Variants in PCDHA1 observed in about 807,000 individuals in gnomAD.
The protein encoded by PCDHA1 is protocadherin alpha 1.
PCDHA1 carries 42 observed loss-of-function variants against 61.3 expected under a neutral mutation model. The observed-to-expected ratio is 0.69, with a 90% confidence interval of 0.54 to 0.89. PCDHA1 has a LOEUF of 0.89. Among genes scored for constraint, PCDHA1 ranks in the 40% least tolerant of loss-of-function variants. The pLI is 0.00. For missense variants in PCDHA1, 1,256 were observed against 1,235.3 expected (o/e 1.02, Z -0.25); for synonymous variants, 610 against 553.8 (o/e 1.10, Z -1.43).
chr5:140,946,219 G>T (rs2093905754), intron 1 of PCDHA1, among the ~76,000 whole-genome samples: 1 of 151,856 alleles, frequency 6.6e-6, no homozygotes, highest in African/African-American at 2.4e-5. Context: ...TGACCAACAG[G>T]TATACTAAAA....
chr5:140,824,573 G>A (rs1383380064), intron 1 of PCDHA1: 2 of 157,802 alleles, frequency 1.3e-5, no homozygotes, highest in East Asian at 1.7e-4. Context: ...TATCTCAGCC[G>A]CCCAAGTAGC....
intron 3 of PCDHA1, among the ~76,000 whole-genome samples, chr5:141,003,468 C>T (rs2098126270): frequency 6.6e-6 from 1 of 152,066 alleles, no homozygotes; most frequent in Non-Finnish European, 1.5e-5. Context: ...TGCACCACCA[C>T]AGTCTCGCTA....
intron 1 of PCDHA1, chr5:140,871,672 T>C (rs2053253410): frequency 2.6e-6 from 3 of 1,153,066 alleles, no homozygotes; most frequent in Non-Finnish European, 3.6e-6. Flanking sequence ...AGTCTTTTAA[T>C]CATATGAATA....
At chr5:140,880,512 C>T (rs1296325164) in intron 1 of PCDHA1, among the ~76,000 whole-genome samples, 4 of 152,314 alleles carry the variant, frequency 2.6e-5, no homozygotes, top group South Asian at 4.1e-4. Flanking sequence ...TGTTTGGTCA[C>T]ATCTCTCAAT....
chr5:140,821,788 C>A, intron 1 of PCDHA1: 2 of 1,611,448 alleles, frequency 1.2e-6, no homozygotes, highest in African/African-American at 1.3e-5. Context: ...GGTATATTCC[C>A]GGAGAGGAAG....
At chr5:140,846,550 AT>A (rs1279691589) in intron 1 of PCDHA1, among the ~76,000 whole-genome samples, 1 of 147,284 alleles carries the variant, frequency 6.8e-6, no homozygotes, top group East Asian at 2.0e-4. Context: ...AATTTTTTGT[AT>A]TTTTAGTAGA....
At chr5:140,967,315 G>A (rs1554229427) in intron 1 of PCDHA1, 1 of 1,610,854 alleles carries the variant, frequency 6.2e-7, no homozygotes, top group African/African-American at 1.3e-5. Context: ...ACTCAGTACA[G>A]ACCTACGAGC....
chr5:140,814,488 A>C (rs1214995772), intron 1 of PCDHA1: 1 of 151,974 alleles, frequency 6.6e-6, no homozygotes, highest in Non-Finnish European at 1.5e-5. Context: ...TATAAGTAGA[A>C]AGAGTACACT....
intron 1 of PCDHA1, among the ~76,000 whole-genome samples, chr5:140,975,280 T>C (rs914764307): frequency 6.6e-6 from 1 of 152,252 alleles, no homozygotes; most frequent in Non-Finnish European, 1.5e-5. Flanking sequence ...CTCTGACCTC[T>C]AGACCCAGAT....
At chr5:140,836,032 C>G (rs2150251120) in intron 1 of PCDHA1, 1 of 1,613,416 alleles carries the variant, frequency 6.2e-7, no homozygotes, top group African/African-American at 1.3e-5. Context: ...AGCAACGTGA[C>G]GCTGCAGGTG....
At chr5:140,986,946 G>A (rs544796668) in intron 3 of PCDHA1, among the ~76,000 whole-genome samples, 9 of 152,230 alleles carry the variant, frequency 5.9e-5, no homozygotes, top group South Asian at 2.1e-4. Context: ...GGGTGTGGTC[G>A]CTCATGCCTG....
chr5:140,853,887 A>T lies in PCDHA1; in HGVS notation c.2394+65203A>T, dbSNP rs945674058. ...TGACAGTGCAAGTTTCTGTAATTTAAAAAGATGTGGTGGCCTGACACCTGC... is the reference window on the plus strand; with the variant it reads ...TGACAGTGCAAGTTTCTGTAATTTATAAAGATGTGGTGGCCTGACACCTGC... On this transcript the variant is annotated intron_variant, in intron 1 of 3. Transcript: ENST00000504120. 4 of 979,374 alleles carry T rather than the reference A, an allele frequency of 4.1e-6. 1 individual carries two copies. The Admixed American group carries it at 1.9e-4, about 46-fold the overall frequency. 60.7% of individuals were successfully genotyped at this position (979,374 alleles called of 1,614,324 possible).
chr5:140,966,906 C>A, intron 1 of PCDHA1: 1 of 1,600,938 alleles, frequency 6.2e-7, no homozygotes, highest in African/African-American at 1.3e-5. Flanking sequence ...CTGCGATACT[C>A]TGTGCCAGAG....
intron 1 of PCDHA1, among the ~76,000 whole-genome samples, chr5:140,954,602 A>G (rs2095062634): frequency 6.6e-6 from 1 of 152,120 alleles, no homozygotes; most frequent in South Asian, 2.1e-4. Flanking sequence ...TTCTTTGCCC[A>G]CTTTTTAATG....
chr5:140,856,448 G>T (rs782383115), intron 1 of PCDHA1: 3 of 1,598,274 alleles, frequency 1.9e-6, no homozygotes, highest in South Asian at 2.2e-5. Context: ...CAGGTTCTCC[G>T]TAACAGAACA....
intron 1 of PCDHA1, chr5:140,830,140 G>A (rs1305649998): frequency 1.2e-6 from 2 of 1,613,352 alleles, no homozygotes; most frequent in Non-Finnish European, 8.5e-7. Context: ...CACGGGCGTC[G>A]GTGGGCGCCG....
intron 1 of PCDHA1, among the ~76,000 whole-genome samples, chr5:140,898,159 G>A (rs377677002): frequency 1.3e-5 from 2 of 151,916 alleles, no homozygotes; most frequent in South Asian, 2.1e-4. Context: ...CGCTGATGGT[G>A]GTTTCTTTTG....
At chr5:140,891,963 A>C (rs1202145353) in intron 1 of PCDHA1, among the ~76,000 whole-genome samples, 1 of 152,214 alleles carries the variant, frequency 6.6e-6, no homozygotes, top group African/African-American at 2.4e-5. Flanking sequence ...TGTGAGAAGT[A>C]AATTTCCGTT....
rs2096268798 is a variant in PCDHA1 at position 140,968,765 on chromosome 5, G to A, written c.2395-10184G>A. 8.1e-6 allele frequency: 13 copies of A among 1,614,078 alleles called. No homozygotes were observed. The East Asian group carries it at 2.2e-4, about 28-fold the overall frequency. On this transcript the variant is annotated intron_variant, in intron 1 of 3. Transcript: ENST00000504120. Reference sequence around the variant, plus strand: ...GACCGTGGTGGTCCGAGATAATGGAGAGCCATCACTATCAGCCTCTGTGGC... The same window carrying A: ...GACCGTGGTGGTCCGAGATAATGGAAAGCCATCACTATCAGCCTCTGTGGC...
Sources: gnomAD v4.1 joint callset for allele counts (sites outside exome capture counted in the v4.1 genomes callset) on GRCh38, gnomAD v4.1.1 for gene constraint, MANE v1.5 for transcripts, NCBI Gene and HGNC (gene_info 2026-07-23, HGNC 2026-07-21) for gene names.